The following TNRC6B variants were observed in gnomAD, a reference collection of about 807,000 sequenced individuals.
The protein encoded by TNRC6B is trinucleotide repeat containing adaptor 6B, also known as trinucleotide repeat-containing gene 6B protein.
In TNRC6B, 52 loss-of-function variants were observed where a neutral mutation model predicts 203.6. The ratio of observed to expected loss-of-function variants is 0.26; its 90% CI spans 0.20 to 0.32. The LOEUF (loss-of-function observed/expected upper bound fraction) is 0.32, where lower values mean the gene tolerates loss of function less well. Ranked by LOEUF, TNRC6B falls within the 10% of genes least tolerant of loss-of-function variation. The pLI, the probability that TNRC6B is intolerant of heterozygous loss-of-function variation, is 1.00. For missense variants in TNRC6B, 1,923 were observed against 2,286.2 expected (o/e 0.84, Z 3.24); for synonymous variants, 838 against 845.7 (o/e 0.99, Z 0.16).
intron 1 of TNRC6B, among the ~76,000 whole-genome samples, chr22:40,224,016 GT>G (rs373657515): frequency 5.3e-5 from 8 of 151,590 alleles, no homozygotes; most frequent in African/African-American, 1.9e-4. Context: ...GTTTTGTTTT[GT>G]TTTTTTTGAG....
intron 4 of TNRC6B, among the ~76,000 whole-genome samples, chr22:40,163,055 T>A (rs938622656): frequency 6.6e-6 from 1 of 152,140 alleles, no homozygotes; most frequent in Non-Finnish European, 1.5e-5. Context: ...AGAATCGTAA[T>A]AAATTCTGAA....
rs1227816763 is a variant in TNRC6B at position 40,323,344 on chromosome 22, A to G, written c.*103A>G. The G allele has an allele frequency of 1.4e-6, 2 of 1,392,880 alleles. No individual in the cohort carries two copies. The highest frequency in any genetic ancestry group is 1.9e-6 in the Non-Finnish European group (2 of 1,044,620). The allele number at this position is 1,392,880 out of a possible 1,614,324, so 86.3% of individuals were successfully genotyped here. Reference sequence around the variant, plus strand: ...TTCAACTTGCAATAAATACATTTTTAAAAGGAAAAAAGAAAACGGAGAGAA... The same window carrying G: ...TTCAACTTGCAATAAATACATTTTTGAAAGGAAAAAAGAAAACGGAGAGAA... On this transcript the variant is annotated 3_prime_UTR_variant, in exon 23 of 23. Coordinates refer to ENST00000454349, the MANE Select transcript of TNRC6B (RefSeq NM_001162501.2).
chr22:40,273,032 C>A (rs994058282), intron 6 of TNRC6B, among the ~76,000 whole-genome samples: 2 of 152,154 alleles, frequency 1.3e-5, no homozygotes, highest in African/African-American at 4.8e-5. Context: ...AAAGTACATA[C>A]TGAATGGAGG....
At chr22:40,117,871 A>G (rs1046469429) in intron 2 of TNRC6B, among the ~76,000 whole-genome samples, 1 of 152,090 alleles carries the variant, frequency 6.6e-6, no homozygotes, top group Non-Finnish European at 1.5e-5. Context: ...AAAGTTGTTT[A>G]TTTGTATCTG....
chr22:40,192,828 T>A (rs995870214), intron 1 of TNRC6B, among the ~76,000 whole-genome samples: 12 of 152,108 alleles, frequency 7.9e-5, no homozygotes, highest in Non-Finnish European at 1.6e-4. Flanking sequence ...GTGTTTGGCT[T>A]TGGACATGTT....
intron 1 of TNRC6B, among the ~76,000 whole-genome samples, chr22:40,215,072 A>G (rs994215969): frequency 1.3e-5 from 2 of 151,254 alleles, no homozygotes; most frequent in Non-Finnish European, 3.0e-5. Context: ...TTTTTTTTTT[A>G]ACCTTTTAAC....
intron 7 of TNRC6B, among the ~76,000 whole-genome samples, chr22:40,276,075 C>T (rs1180700228): frequency 1.3e-5 from 2 of 151,996 alleles, no homozygotes; most frequent in African/African-American, 2.4e-5. Flanking sequence ...GGGCTGGGCA[C>T]GGTGGCTCAC....
intron 12 of TNRC6B, among the ~76,000 whole-genome samples, chr22:40,298,629 T>C (rs771406652): frequency 7.2e-5 from 11 of 152,170 alleles, no homozygotes; most frequent in Non-Finnish European, 1.6e-4. Context: ...AAAGTAAGGG[T>C]CAGAAAGGCT....
chr22:40,280,260 A>C, intron 10 of TNRC6B, 117 bp downstream of exon 10: 1 of 981,776 alleles, frequency 1.0e-6, no homozygotes, highest in Non-Finnish European at 1.5e-6. Flanking sequence ...TGAGCAAAAC[A>C]CAAACATCAC....
chr22:40,162,383 C>T (rs547103185), intron 4 of TNRC6B, among the ~76,000 whole-genome samples: 48 of 152,254 alleles, frequency 3.2e-4, no homozygotes, highest in Non-Finnish European at 6.3e-4. Flanking sequence ...CGTGAGCCAC[C>T]GCACCCGGTT....
intron 10 of TNRC6B, 121 bp downstream of exon 10, chr22:40,280,264 A>G: frequency 1.1e-6 from 1 of 941,144 alleles, no homozygotes; most frequent in Admixed American, 2.7e-5. Context: ...CAAAACACAA[A>G]CATCACCTGC....
intron 1 of TNRC6B, among the ~76,000 whole-genome samples, chr22:40,235,820 A>G (rs989619358): frequency 6.6e-6 from 1 of 152,166 alleles, no homozygotes; most frequent in African/African-American, 2.4e-5. Flanking sequence ...TTGGAAATCT[A>G]TTTCTGTAAT....
At chr22:40,185,672 G>C (rs1368341676) in intron 1 of TNRC6B, among the ~76,000 whole-genome samples, 1 of 152,176 alleles carries the variant, frequency 6.6e-6, no homozygotes, top group Non-Finnish European at 1.5e-5. Context: ...AGTGCCTGCT[G>C]AGTAGTTTGT....
At chr22:40,068,009 A>G (rs778402088) in intron 1 of TNRC6B, among the ~76,000 whole-genome samples, 2 of 152,144 alleles carry the variant, frequency 1.3e-5, no homozygotes, top group African/African-American at 4.8e-5. Flanking sequence ...TATACACTCT[A>G]TCATATGCCA....
In TNRC6B at chr22:40,145,336, TA is replaced by T. The variant is rs201682095; in HGVS notation, c.46-10769del. Among the ~76,000 whole-genome samples the T allele has an allele frequency of 4.7e-5, 7 of 150,176 alleles. No individual in the cohort carries two copies. In the East Asian group the frequency reaches 5.8e-4, roughly 13 times the overall value. ...TCTGCTTGTGAATTATACTTCAATTTAAAAAAAAAATTGAGGAGCTTCCACC... is the reference window on the plus strand; with the variant it reads ...TCTGCTTGTGAATTATACTTCAATTTAAAAAAAAATTGAGGAGCTTCCACC... On this transcript the variant is annotated intron_variant, in intron 3 of 23. Transcript: ENST00000301923.
At position 40,186,737 on chromosome 22, in the gene TNRC6B, C is replaced by CAA. The variant is rs540875411; in HGVS notation, c.5+8610_5+8611dup. Among the ~76,000 whole-genome samples, 73 of 121,974 alleles carry CAA rather than the reference C, an allele frequency of 6.0e-4. 1 individual carries two copies. Among genetic ancestry groups the CAA allele is most frequent in the South Asian group, 7.7e-4 (3 of 3,878 alleles). 80.0% of individuals were successfully genotyped at this position (121,974 alleles called of 152,430 possible). On this transcript the variant is annotated intron_variant, in intron 1 of 22. Coordinates refer to ENST00000454349, the MANE Select transcript of TNRC6B (RefSeq NM_001162501.2). ...TGGGTGACAGAACAAGACTCCATCTCAAAAAAAAAAAAAAGTTAAAAATAA... is the reference window on the plus strand; with the variant it reads ...TGGGTGACAGAACAAGACTCCATCTCAAAAAAAAAAAAAAAAGTTAAAAATAA...
rs533087948 is a variant in TNRC6B, at chr22:40,181,340, G to GTCCTCACCCTACCCAGCTGC, written c.5+3224_5+3243dup. On this transcript the variant is annotated intron_variant, in intron 1 of 22. Coordinates refer to ENST00000454349, the MANE Select transcript of TNRC6B (RefSeq NM_001162501.2). ...AGGACCACCCTGAGGAATAAGGGTG[G>GTCCTCACCCTACCCAGCTGC]TCCTCACCCTACCCAGCTGCTCCTC... 6.0e-4 allele frequency among the ~76,000 whole-genome samples: 92 copies of GTCCTCACCCTACCCAGCTGC among 152,190 alleles called. No individual in the cohort carries two copies. The East Asian group carries it at 0.017, about 29-fold the overall frequency.
chr22:40,260,078 G>A (rs536394072), intron 3 of TNRC6B, among the ~76,000 whole-genome samples: 2 of 152,154 alleles, frequency 1.3e-5, no homozygotes, highest in East Asian at 1.9e-4. Flanking sequence ...CGGTTGCCCC[G>A]ACATTCCCAC....
intron 1 of TNRC6B, among the ~76,000 whole-genome samples, chr22:40,077,714 G>A (rs1016859457): frequency 2.6e-5 from 4 of 152,040 alleles, no homozygotes; most frequent in African/African-American, 9.7e-5. Flanking sequence ...CATGATCACT[G>A]TAATCCTCTT....
Sources: allele counts gnomAD v4.1 joint callset (sites outside exome capture counted in the v4.1 genomes callset), GRCh38; gene constraint gnomAD v4.1.1; transcripts MANE v1.5; gene names NCBI Gene and HGNC (gene_info 2026-07-23, HGNC 2026-07-21).